The following UCHL3 variants were observed in gnomAD, a reference collection of about 807,000 sequenced individuals.
UCHL3 encodes ubiquitin C-terminal hydrolase L3.
UCHL3 carries 22 observed loss-of-function variants against 35.8 expected under a neutral mutation model. That is an observed-to-expected ratio of 0.61 (90% confidence interval 0.44 to 0.88). The LOEUF (loss-of-function observed/expected upper bound fraction) is 0.88, where lower values mean the gene tolerates loss of function less well. Among genes scored for constraint, UCHL3 ranks in the 40% least tolerant of loss-of-function variants. The probability of loss-of-function intolerance (pLI) is 0.00; values close to 1 mark genes in which losing one functional copy is unlikely to be tolerated. For synonymous variants in UCHL3, 90 were observed against 92.8 expected, an observed-to-expected ratio of 0.97 and a Z score of 0.17; for missense variants, 229 against 276.9, an observed-to-expected ratio of 0.83 and a Z score of 1.23.
intron 6 of UCHL3, among the ~76,000 whole-genome samples, chr13:75,585,659 A>ACTTT (rs2032302930): frequency 1.3e-5 from 2 of 152,128 alleles, no homozygotes; most frequent in Non-Finnish European, 2.9e-5. Flanking sequence ...AAAGATGATT[A>ACTTT]GGATTACTAA....
chr13:75,575,820 C>A (rs148665619), intron 6 of UCHL3, among the ~76,000 whole-genome samples: 2,463 of 152,276 alleles, frequency 0.016, 33 homozygotes, highest in Non-Finnish European at 0.024. Flanking sequence ...GGCATGATCT[C>A]GGCTCACTGC....
chr13:75,561,529 T>A (rs1339588777), intron 3 of UCHL3, among the ~76,000 whole-genome samples: 1 of 151,566 alleles, frequency 6.6e-6, no homozygotes, highest in African/African-American at 2.4e-5. Context: ...TAAACTTAAA[T>A]ACAGTTTTTT....
intron 3 of UCHL3, among the ~76,000 whole-genome samples, chr13:75,565,604 C>G (rs1035265523): frequency 1.3e-5 from 2 of 152,110 alleles, no homozygotes; most frequent in African/African-American, 4.8e-5. Context: ...GTGTCTGTTG[C>G]AACTATTTGA....
At chr13:75,569,995 C>CT (rs778887458) in intron 6 of UCHL3, among the ~76,000 whole-genome samples, 34 of 152,192 alleles carry the variant, frequency 2.2e-4, no homozygotes, top group Non-Finnish European at 4.4e-4. Flanking sequence ...GTTGCTTTTC[C>CT]TTTCCTTCTC....
chr13:75,556,119 A>G (rs1280214044), intron 2 of UCHL3, among the ~76,000 whole-genome samples: 2 of 152,162 alleles, frequency 1.3e-5, no homozygotes, highest in Non-Finnish European at 1.5e-5. Context: ...ACAGTGGGCT[A>G]TTACATTATC....
chr13:75,575,827 C>T (rs1395608526), intron 6 of UCHL3, among the ~76,000 whole-genome samples: 1 of 152,222 alleles, frequency 6.6e-6, no homozygotes, highest in Non-Finnish European at 1.5e-5. Flanking sequence ...TCTCGGCTCA[C>T]TGCAACCTCT....
chr13:75,585,167 C>G (rs938733100), intron 6 of UCHL3, among the ~76,000 whole-genome samples: 11 of 152,072 alleles, frequency 7.2e-5, no homozygotes, highest in African/African-American at 2.7e-4. Flanking sequence ...CTTCAGGAAT[C>G]TCAGAGACAC....
intron 2 of UCHL3, among the ~76,000 whole-genome samples, chr13:75,556,798 G>A (rs990866992): frequency 6.6e-6 from 1 of 152,156 alleles, no homozygotes; most frequent in African/African-American, 2.4e-5. Flanking sequence ...AAGATACTCT[G>A]GGCAGAGAGA....
chr13:75,600,387 C>T (rs1245634910), intron 7 of UCHL3, among the ~76,000 whole-genome samples: 1 of 152,174 alleles, frequency 6.6e-6, no homozygotes, highest in Non-Finnish European at 1.5e-5. Context: ...GAGGAGATGT[C>T]AACACCTGCC....
chr13:75,595,597 CAAAAAA>C (rs58733406), intron 7 of UCHL3, among the ~76,000 whole-genome samples: 4 of 45,658 alleles, frequency 8.8e-5, no homozygotes, highest in African/African-American at 1.4e-4. Context: ...TACTCCATCT[CAAAAAA>C]AAAAAAAAAA....
At chr13:75,564,279 T>G (rs1369128396) in intron 3 of UCHL3, among the ~76,000 whole-genome samples, 1 of 151,798 alleles carries the variant, frequency 6.6e-6, no homozygotes, top group Non-Finnish European at 1.5e-5. Context: ...GCCTCCCGAG[T>G]AGCTGGGACT....
intron 7 of UCHL3, among the ~76,000 whole-genome samples, chr13:75,596,200 G>A (rs554697885): frequency 5.0e-4 from 76 of 152,286 alleles, no homozygotes; most frequent in African/African-American, 1.7e-3. Context: ...AAAAGAAATG[G>A]CCCTATCAAA....
At position 75,560,736 on chromosome 13, in the gene UCHL3, T is replaced by A. The variant is rs761129744; in HGVS notation, c.55-17T>A. The stretch of plus-strand genomic sequence containing the variant: ...CTAATGTTCCATTGTTTTTTTTTTC[T>A]TTCTTTCTTTTACCAGTTTCTTAAA... On this transcript the variant is annotated splice_polypyrimidine_tract_variant and intron_variant, in intron 2 of 8. Coordinates refer to ENST00000377595, the MANE Select transcript of UCHL3 (RefSeq NM_006002.5). 70 of 1,587,198 alleles carry A rather than the reference T, an allele frequency of 4.4e-5. No individual in the cohort carries two copies. The highest frequency in any genetic ancestry group is 5.4e-5 in the Non-Finnish European group (63 of 1,171,120).
chr13:75,567,098 T>A (rs2031708680), intron 4 of UCHL3, 129 bp from the exon 5 acceptor site: 2 of 917,384 alleles, frequency 2.2e-6, no homozygotes, highest in Admixed American at 2.7e-5. Flanking sequence ...TATAACATGA[T>A]CCTTACATTT....
At position 75,592,431 on chromosome 13, in the gene UCHL3, T is replaced by C. The variant is rs866772477; in HGVS notation, c.475-2484T>C. Reference sequence around the variant, plus strand: ...TTTTTCCTTCATATATATATATATATATATATATATATATATATATATATA... The same window carrying C: ...TTTTTCCTTCATATATATATATATACATATATATATATATATATATATATA... On this transcript the variant is annotated intron_variant, in intron 6 of 8. Coordinates refer to ENST00000377595, the MANE Select transcript of UCHL3 (RefSeq NM_006002.5). 6.7e-4 allele frequency among the ~76,000 whole-genome samples: 60 copies of C among 89,714 alleles called. 2 individuals are homozygous for C. Among genetic ancestry groups the C allele is most frequent in the African/African-American group, 2.2e-3 (50 of 22,644 alleles). The allele number at this position is 89,714 out of a possible 152,430, so 58.9% of individuals were successfully genotyped here.
intron 2 of UCHL3, among the ~76,000 whole-genome samples, chr13:75,550,664 G>GT (rs1555272059): frequency 6.6e-6 from 1 of 151,738 alleles, no homozygotes; most frequent in Non-Finnish European, 1.5e-5. Flanking sequence ...ACTCAGAAGA[G>GT]TAAGTGCTAC....
chr13:75,594,244 A>C (rs975421373), intron 6 of UCHL3, among the ~76,000 whole-genome samples: 1 of 152,362 alleles, frequency 6.6e-6, no homozygotes, highest in Non-Finnish European at 1.5e-5. Flanking sequence ...TTTGTTAAGC[A>C]TCAAAGCAAG....
intron 3 of UCHL3, among the ~76,000 whole-genome samples, chr13:75,566,235 T>G (rs1295175192): frequency 6.6e-6 from 1 of 152,240 alleles, no homozygotes; most frequent in Non-Finnish European, 1.5e-5. Flanking sequence ...TAATATAAAC[T>G]GACCTATAAC....
chr13:75,566,084 T>C (rs915411453), intron 3 of UCHL3, among the ~76,000 whole-genome samples: 3 of 152,204 alleles, frequency 2.0e-5, no homozygotes, highest in Non-Finnish European at 2.9e-5. Context: ...TGATAAACAA[T>C]ATAGAAACGT....
Sources: gnomAD v4.1 joint callset for allele counts (sites outside exome capture counted in the v4.1 genomes callset) on GRCh38, gnomAD v4.1.1 for gene constraint, MANE v1.5 for transcripts, NCBI Gene and HGNC (gene_info 2026-07-23, HGNC 2026-07-21) for gene names.